MTCL1: variants seen among roughly 807,000 people sequenced by gnomAD.
MTCL1 encodes microtubule cross-linking factor 1.
MTCL1 carries 79 observed loss-of-function variants against 141.4 expected under a neutral mutation model. The observed-to-expected ratio is 0.56, with a 90% CI of 0.47 to 0.67. The LOEUF is 0.67. Ranked by LOEUF, MTCL1 falls within the 30% of genes least tolerant of loss-of-function variation. The probability of loss-of-function intolerance (pLI) is 0.00; values close to 1 mark genes in which losing one functional copy is unlikely to be tolerated. For missense variants in MTCL1, 2,177 were observed against 2,113.9 expected (o/e 1.03, Z -0.59); for synonymous variants, 914 against 875.8 (o/e 1.04, Z -0.77).
chr18:8,718,319 T>C lies in MTCL1; in HGVS notation c.-27-105T>C, dbSNP rs975630738. The C allele has an allele frequency of 4.5e-6, 5 of 1,122,326 alleles. No homozygotes were observed. In the Admixed American group the frequency reaches 1.0e-4, roughly 23 times the overall value. 69.5% of individuals were successfully genotyped at this position (1,122,326 alleles called of 1,614,324 possible). A position where few individuals can be genotyped will look rare whatever the true frequency, so the allele number is the denominator to read the frequency against. Reference sequence around the variant, plus strand: ...GTGGCCATGAGGTGATGGGTAAGCGTGTAGGTATTCAATATTTAGTATTGA... The same window carrying C: ...GTGGCCATGAGGTGATGGGTAAGCGCGTAGGTATTCAATATTTAGTATTGA... On this transcript the variant is annotated intron_variant, in intron 2 of 16. Transcript: ENST00000359865.
chr18:8,783,196 G>C (rs944884545), intron 5 of MTCL1, among the ~76,000 whole-genome samples: 7 of 152,128 alleles, frequency 4.6e-5, no homozygotes, highest in African/African-American at 1.7e-4. Context: ...TTCCCGCTGG[G>C]TTTTGGGCCT....
At chr18:8,808,066 C>T in intron 11 of MTCL1, among the ~76,000 whole-genome samples, 1 of 152,050 alleles carries the variant, frequency 6.6e-6, no homozygotes, top group Non-Finnish European at 1.5e-5. Context: ...GCATTTCCAC[C>T]TGGCCACAGC....
Position 8,798,149 on chromosome 18 carries a change from G to T in MTCL1, c.2294G>T (p.Gly765Val), listed in dbSNP as rs1369141489. 5 of 1,595,624 alleles carry T rather than the reference G, an allele frequency of 3.1e-6. No individual in the cohort carries two copies. In the Admixed American group the frequency reaches 5.2e-5, roughly 17 times the overall value. Residue 765 changes from glycine (G) to valine (V), a missense_variant, in exon 10 of 17, where the codon GGT (glycine) becomes GTT (valine). Physicochemically the swap from Gly to Val is moderately radical, Grantham distance 109. Coordinates refer to ENST00000359865, the Ensembl canonical transcript of MTCL1. ...CTCGGGGAGCTTGGAGTCCAGGGGG[G>T]TCACCAGGCGGATGGCCCAGACCAC...
intron 10 of MTCL1, among the ~76,000 whole-genome samples, chr18:8,802,932 A>G (rs534815571): frequency 1.3e-5 from 2 of 152,334 alleles, no homozygotes; most frequent in Admixed American, 6.5e-5. Flanking sequence ...GAAGACTTGC[A>G]TCATAAAGAC....
intron 1 of MTCL1, chr18:8,707,429 CTGAG>C (rs1471356185): frequency 2.0e-5 from 3 of 152,708 alleles, no homozygotes; most frequent in African/African-American, 4.8e-5. Flanking sequence ...GCTGCACTCT[CTGAG>C]TATTTTCCGG....
intron 4 of MTCL1, among the ~76,000 whole-genome samples, chr18:8,764,534 T>A (rs1388244803): frequency 5.9e-5 from 9 of 152,132 alleles, no homozygotes. Flanking sequence ...GCCAGGCTGG[T>A]CTCGAACTCT....
At chr18:8,755,189 G>T (rs2096390727) in intron 4 of MTCL1, among the ~76,000 whole-genome samples, 1 of 152,194 alleles carries the variant, frequency 6.6e-6, no homozygotes, top group Non-Finnish European at 1.5e-5. Context: ...GCCACCAAAG[G>T]ACTTGCCCAA....
intron 4 of MTCL1, among the ~76,000 whole-genome samples, chr18:8,772,377 C>G (rs890777218): frequency 6.6e-6 from 1 of 152,162 alleles, no homozygotes; most frequent in Non-Finnish European, 1.5e-5. Context: ...GTGATAGTCT[C>G]TTTTCTCTGA....
chr18:8,758,148 C>T (rs560906966), intron 4 of MTCL1, among the ~76,000 whole-genome samples: 12 of 151,970 alleles, frequency 7.9e-5, no homozygotes, highest in African/African-American at 2.4e-4. Context: ...TCTCAGCCTC[C>T]GAGTAGCTGG....
chr18:8,729,366 A>T (rs759033521), intron 4 of MTCL1, among the ~76,000 whole-genome samples: 1 of 151,340 alleles, frequency 6.6e-6, no homozygotes, highest in East Asian at 1.9e-4. Flanking sequence ...ATTTTTTTTC[A>T]TTGTTGAGTT....
intron 16 of MTCL1, chr18:8,829,932 G>C (rs548858895): frequency 1.8e-5 from 18 of 985,250 alleles, no homozygotes; most frequent in African/African-American, 1.4e-4. Context: ...TGGCAAAGAG[G>C]GGGTACTGAA....
At position 8,778,526 on chromosome 18, in the gene MTCL1, A is replaced by G. The variant is rs576891955; in HGVS notation, c.417+634A>G. On this transcript the variant is annotated intron_variant, in intron 5 of 16. Transcript: ENST00000359865. ...AGCAAGTAGTAATTAGAGAGACACAATGAGTCGGGGTAACTAAGAGCTCAG... is the reference window on the plus strand; with the variant it reads ...AGCAAGTAGTAATTAGAGAGACACAGTGAGTCGGGGTAACTAAGAGCTCAG... Among the ~76,000 whole-genome samples the G allele has an allele frequency of 1.2e-4, 18 of 152,288 alleles. No homozygotes were observed. The East Asian group carries it at 2.9e-3, about 24-fold the overall frequency.
At chr18:8,763,461 C>T (rs1567993500) in intron 4 of MTCL1, among the ~76,000 whole-genome samples, 2 of 152,246 alleles carry the variant, frequency 1.3e-5, no homozygotes, top group Admixed American at 6.5e-5. Context: ...GTGAATCTGG[C>T]TCAGGCCACC....
chr18:8,763,863 A>C (rs2096445654), intron 4 of MTCL1, among the ~76,000 whole-genome samples: 2 of 152,094 alleles, frequency 1.3e-5, no homozygotes, highest in Admixed American at 6.5e-5. Context: ...TGACCCACTT[A>C]CCTCCCTGAA....
In MTCL1 at chr18:8,825,925, C is replaced by G; in HGVS notation, c.4415C>G (p.Ser1472Ter). The stretch of plus-strand genomic sequence containing the variant: ...CTGCGGGCCGGCAGTCGGTCTCGCT[C>G]AGCAGAGCCCCGACCAGAGCTGGGC... The change falls in exon 15 of 17, where the codon TCA becomes TGA. Residue 1472 changes from serine (S) to a stop codon, truncating the protein, a stop_gained. Coordinates refer to ENST00000359865, the Ensembl canonical transcript of MTCL1. LOFTEE classifies it high-confidence loss of function. 6.2e-7 allele frequency: 1 copy of G among 1,607,982 alleles called. No individual in the cohort carries two copies. Among genetic ancestry groups the G allele is most frequent in the Non-Finnish European group, 8.5e-7 (1 of 1,176,960 alleles).
At chr18:8,741,984 C>T (rs1266209474) in intron 4 of MTCL1, among the ~76,000 whole-genome samples, 3 of 151,860 alleles carry the variant, frequency 2.0e-5, no homozygotes, top group Non-Finnish European at 2.9e-5. Flanking sequence ...AAAACGCCTG[C>T]TTCCTTGATC....
intron 4 of MTCL1, among the ~76,000 whole-genome samples, chr18:8,735,457 G>C (rs1310058218): frequency 6.6e-6 from 1 of 152,146 alleles, no homozygotes; most frequent in African/African-American, 2.4e-5. Context: ...GAATGTGGGT[G>C]GTCTCTGACC....
Position 8,736,730 on chromosome 18 carries a change from C to T in MTCL1, c.357+16234C>T, listed in dbSNP as rs1273323326. On this transcript the variant is annotated intron_variant, in intron 4 of 16. Transcript: ENST00000359865. ...TTGGCTCACTGCAAGCTCTGCCTCC[C>T]GGGTTCATGCCATTCTCCTGCCTCA... Among the ~76,000 whole-genome samples, 7 of 150,992 alleles carry T rather than the reference C, an allele frequency of 4.6e-5. No homozygotes were observed. In the South Asian group the frequency reaches 6.3e-4, roughly 14 times the overall value.
chr18:8,789,535 A>G (rs1250903733), intron 7 of MTCL1: 1 of 985,332 alleles, frequency 1.0e-6, no homozygotes, highest in African/African-American at 1.7e-5. Flanking sequence ...TTTGTCAATC[A>G]GTGTGGGATG....
Sources: gnomAD v4.1 joint callset for allele counts (sites outside exome capture counted in the v4.1 genomes callset) on GRCh38, gnomAD v4.1.1 for gene constraint, MANE v1.5 for transcripts, NCBI Gene and HGNC (gene_info 2026-07-23, HGNC 2026-07-21) for gene names.